The following ZNF423 variants were observed in gnomAD, a reference collection of about 807,000 sequenced individuals.
ZNF423 encodes zinc finger protein 423, also known as Ebf-associated zinc finger protein.
Under a neutral mutation model 95.8 loss-of-function variants are expected in ZNF423, and 12 were observed. That is an observed-to-expected ratio of 0.13 (90% CI 0.08 to 0.20). The LOEUF (loss-of-function observed/expected upper bound fraction) is 0.20, where lower values mean the gene tolerates loss of function less well. Among genes scored for constraint, ZNF423 ranks in the 10% least tolerant of loss-of-function variants. The pLI is 1.00. For missense variants in ZNF423, 1,316 were observed against 1,737.1 expected, an observed-to-expected ratio of 0.76 and a Z score of 4.31; for synonymous variants, 749 against 711.9, an observed-to-expected ratio of 1.05 and a Z score of -0.83.
At chr16:49,814,361 C>T (rs1249581119) in intron 1 of ZNF423, among the ~76,000 whole-genome samples, 2 of 151,782 alleles carry the variant, frequency 1.3e-5, no homozygotes, top group African/African-American at 4.8e-5. Flanking sequence ...GGGGCAGGAT[C>T]GGAGGGCAAG....
intron 5 of ZNF423, among the ~76,000 whole-genome samples, chr16:49,600,800 C>T (rs1352991729): frequency 6.6e-6 from 1 of 152,150 alleles, no homozygotes; most frequent in Non-Finnish European, 1.5e-5. Context: ...GCTCCGGCTC[C>T]GACACCAAAG....
intron 5 of ZNF423, among the ~76,000 whole-genome samples, chr16:49,540,533 G>A (rs1969213117): frequency 2.0e-5 from 3 of 151,724 alleles, no homozygotes; most frequent in African/African-American, 4.8e-5. Flanking sequence ...CTTTCACCTC[G>A]GCCTCCCCAT....
At chr16:49,576,005 G>A (rs997128677) in intron 5 of ZNF423, among the ~76,000 whole-genome samples, 1 of 152,166 alleles carries the variant, frequency 6.6e-6, no homozygotes. Context: ...GATCACCCCA[G>A]ATAGTGCTCC....
At chr16:49,701,380 C>T (rs1041600184) in intron 3 of ZNF423, among the ~76,000 whole-genome samples, 5 of 151,946 alleles carry the variant, frequency 3.3e-5, no homozygotes, top group Non-Finnish European at 7.4e-5. Context: ...CCCCAACCAG[C>T]GACGAGGATT....
intron 1 of ZNF423, among the ~76,000 whole-genome samples, chr16:49,814,689 T>C (rs1025762316): frequency 1.3e-5 from 2 of 151,422 alleles, no homozygotes; most frequent in Non-Finnish European, 2.9e-5. Flanking sequence ...CAAGCCACTA[T>C]TGTAAAAAAA....
chr16:49,728,253 AAG>A (rs1216775702), intron 3 of ZNF423, among the ~76,000 whole-genome samples: 1 of 152,164 alleles, frequency 6.6e-6, no homozygotes, highest in Non-Finnish European at 1.5e-5. Context: ...GAGTAATCCT[AAG>A]AACCGAAGAC....
intron 5 of ZNF423, among the ~76,000 whole-genome samples, chr16:49,535,724 G>C (rs112756009): frequency 1.3e-5 from 2 of 152,050 alleles, no homozygotes; most frequent in African/African-American, 4.8e-5. Flanking sequence ...AGAACTGAAG[G>C]CTGATCACCT....
chr16:49,737,264 A>G (rs1274854723), intron 2 of ZNF423, among the ~76,000 whole-genome samples: 1 of 148,942 alleles, frequency 6.7e-6, no homozygotes, highest in African/African-American at 2.5e-5. Context: ...CTGACTCTAG[A>G]TCCTGACTCT....
At chr16:49,493,888 G>A (rs1329509115) in intron 7 of ZNF423, among the ~76,000 whole-genome samples, 1 of 152,210 alleles carries the variant, frequency 6.6e-6, no homozygotes, top group Non-Finnish European at 1.5e-5. Flanking sequence ...CATGGCCTAC[G>A]GACAGTGGAG....
chr16:49,654,659 C>T (rs1282922142), intron 3 of ZNF423, among the ~76,000 whole-genome samples: 1 of 152,224 alleles, frequency 6.6e-6, no homozygotes, highest in Non-Finnish European at 1.5e-5. Context: ...CATGGGCTAC[C>T]TCCCATTGGT....
intron 1 of ZNF423, chr16:49,854,161 C>T (rs373531892): frequency 1.0e-6 from 1 of 985,402 alleles, no homozygotes; most frequent in African/African-American, 1.7e-5. Flanking sequence ...TCTGAACCCC[C>T]AGTTCTGTGG....
chr16:49,779,221 A>C (rs1044809394), intron 2 of ZNF423, among the ~76,000 whole-genome samples: 14 of 151,952 alleles, frequency 9.2e-5, no homozygotes, highest in African/African-American at 3.1e-4. Flanking sequence ...TGAGCAGAGC[A>C]TCAGGGAGCT....
chr16:49,576,319 C>T (rs1320763719), intron 5 of ZNF423, among the ~76,000 whole-genome samples: 1 of 152,166 alleles, frequency 6.6e-6, no homozygotes. Context: ...TCCAAGGGAG[C>T]TCATGGTGCC....
At chr16:49,832,096 G>A (rs1467680787) in intron 1 of ZNF423, among the ~76,000 whole-genome samples, 4 of 152,124 alleles carry the variant, frequency 2.6e-5, no homozygotes, top group Non-Finnish European at 5.9e-5. Context: ...AAATATCCGA[G>A]GGCCCTGGCC....
intron 3 of ZNF423, among the ~76,000 whole-genome samples, chr16:49,692,690 C>T (rs568068145): frequency 1.9e-4 from 29 of 152,324 alleles, no homozygotes; most frequent in African/African-American, 6.5e-4. Context: ...GGTGGACACC[C>T]CTGAAGGACA....
chr16:49,655,691 C>T (rs1427235217), intron 3 of ZNF423, among the ~76,000 whole-genome samples: 1 of 152,136 alleles, frequency 6.6e-6, no homozygotes, highest in Non-Finnish European at 1.5e-5. Context: ...ATTGCCATGT[C>T]CTCTGTGTGA....
At chr16:49,538,179 T>C (rs1161443638) in intron 5 of ZNF423, among the ~76,000 whole-genome samples, 2 of 152,160 alleles carry the variant, frequency 1.3e-5, no homozygotes, top group Non-Finnish European at 2.9e-5. Context: ...GGCTCATTGC[T>C]GAGCAGCAGG....
At chr16:49,768,154 A>T (rs2033962721) in intron 2 of ZNF423, among the ~76,000 whole-genome samples, 1 of 152,218 alleles carries the variant, frequency 6.6e-6, no homozygotes, top group Non-Finnish European at 1.5e-5. Flanking sequence ...GCTCGCGCAC[A>T]GCTGGACTCT....
intron 1 of ZNF423, among the ~76,000 whole-genome samples, chr16:49,835,740 G>A (rs575994545): frequency 1.3e-5 from 2 of 152,218 alleles, no homozygotes; most frequent in African/African-American, 2.4e-5. Context: ...GGAGGTGGTG[G>A]GGGGGCAGAG....
Sources: allele counts gnomAD v4.1 joint callset (sites outside exome capture counted in the v4.1 genomes callset), GRCh38; gene constraint gnomAD v4.1.1; transcripts MANE v1.5; gene names NCBI Gene and HGNC (gene_info 2026-07-23, HGNC 2026-07-21).